The following ATG5 variants were observed in gnomAD, a reference collection of about 807,000 sequenced individuals.
The protein encoded by ATG5 is autophagy related 5.
ATG5 carries 14 observed loss-of-function variants against 36.5 expected under a neutral mutation model. That is an observed-to-expected ratio of 0.38 (90% CI 0.25 to 0.60). ATG5 has a LOEUF of 0.60. ATG5 is among the 20% of genes least tolerant of loss of function. The pLI is 0.60. For missense variants in ATG5, 195 were observed against 326.7 expected, an observed-to-expected ratio of 0.60 and a Z score of 3.11; for synonymous variants, 95 against 101.5, an observed-to-expected ratio of 0.94 and a Z score of 0.38.
At chr6:106,226,362 C>T (rs1187342955) in intron 6 of ATG5, among the ~76,000 whole-genome samples, 1 of 152,080 alleles carries the variant, frequency 6.6e-6, no homozygotes, top group Non-Finnish European at 1.5e-5. Flanking sequence ...TTCTGTTATA[C>T]TATATAAAAT....
chr6:106,323,373 G>A (rs997478230), intron 1 of ATG5, among the ~76,000 whole-genome samples: 2 of 145,028 alleles, frequency 1.4e-5, no homozygotes, highest in Admixed American at 7.1e-5. Context: ...GGGGTCAAGT[G>A]ATCCTCCCCT....
chr6:106,220,606 T>C (rs1039956478), intron 6 of ATG5, among the ~76,000 whole-genome samples: 1 of 152,116 alleles, frequency 6.6e-6, no homozygotes, highest in African/African-American at 2.4e-5. Flanking sequence ...TATTAGCAAA[T>C]AGTTATTTTA....
At chr6:106,190,596 T>C (rs1321089376) in intron 7 of ATG5, among the ~76,000 whole-genome samples, 1 of 152,144 alleles carries the variant, frequency 6.6e-6, no homozygotes, top group Admixed American at 6.5e-5. Flanking sequence ...GAAGAGTACA[T>C]CTCATTATTT....
At chr6:106,325,281 T>G (rs1355060846) in intron 1 of ATG5, 1 of 152,234 alleles carries the variant, frequency 6.6e-6, no homozygotes, top group Non-Finnish European at 1.5e-5. Context: ...CCTACCTTAG[T>G]AAGCAACAGA....
intron 1 of ATG5, among the ~76,000 whole-genome samples, chr6:106,322,147 G>C (rs1327511926): frequency 6.6e-6 from 1 of 152,132 alleles, no homozygotes; most frequent in African/African-American, 2.4e-5. Flanking sequence ...GTTTCTTGAG[G>C]GCAGGGGCTA....
chr6:106,280,587 T>C (rs1779840375), intron 4 of ATG5, among the ~76,000 whole-genome samples: 1 of 152,122 alleles, frequency 6.6e-6, no homozygotes. Flanking sequence ...TCATTGGACA[T>C]ATAGGGAGTT....
intron 6 of ATG5, among the ~76,000 whole-genome samples, chr6:106,236,921 T>C (rs1035300738): frequency 6.6e-6 from 1 of 152,206 alleles, no homozygotes; most frequent in Non-Finnish European, 1.5e-5. Flanking sequence ...TTAATGTGTA[T>C]GCATGCACAT....
At chr6:106,260,452 G>A (rs1778975693) in intron 5 of ATG5, among the ~76,000 whole-genome samples, 1 of 152,170 alleles carries the variant, frequency 6.6e-6, no homozygotes, top group Admixed American at 6.5e-5. Context: ...AGCATAGTCT[G>A]GATACTAAAG....
intron 5 of ATG5, among the ~76,000 whole-genome samples, chr6:106,264,276 A>G (rs941337436): frequency 6.6e-6 from 1 of 152,202 alleles, no homozygotes; most frequent in Admixed American, 6.5e-5. Flanking sequence ...GAAAAAAAGT[A>G]TGAACACAAG....
chr6:106,264,575 T>C (rs1779154756), intron 5 of ATG5, among the ~76,000 whole-genome samples: 1 of 152,112 alleles, frequency 6.6e-6, no homozygotes, highest in Admixed American at 6.5e-5. Flanking sequence ...GAAAAAATGT[T>C]AAGGGCAGCC....
At chr6:106,311,774 G>C (rs1443800655) in intron 2 of ATG5, among the ~76,000 whole-genome samples, 2 of 151,362 alleles carry the variant, frequency 1.3e-5, no homozygotes, top group Non-Finnish European at 1.5e-5. Context: ...CTAGAAAATG[G>C]AAAGAAGGGA....
chr6:106,307,264 C>A (rs1562267693), intron 3 of ATG5, among the ~76,000 whole-genome samples: 1 of 152,172 alleles, frequency 6.6e-6, no homozygotes, highest in Non-Finnish European at 1.5e-5. Flanking sequence ...GAGAGCAAGT[C>A]CATTTTTAAC....
At chr6:106,247,237 C>CTAAT (rs1778375295) in intron 6 of ATG5, among the ~76,000 whole-genome samples, 1 of 152,036 alleles carries the variant, frequency 6.6e-6, no homozygotes, top group Admixed American at 6.6e-5. Context: ...GAGTCTAAGC[C>CTAAT]TGTGACATTA....
chr6:106,267,886 C>T (rs1237829583), intron 5 of ATG5, among the ~76,000 whole-genome samples: 1 of 152,086 alleles, frequency 6.6e-6, no homozygotes, highest in Non-Finnish European at 1.5e-5. Flanking sequence ...CCATAAAAAC[C>T]CTACAAGAAA....
chr6:106,256,749 C>T (rs556119603), intron 5 of ATG5, among the ~76,000 whole-genome samples: 37 of 152,214 alleles, frequency 2.4e-4, no homozygotes, highest in South Asian at 2.3e-3. Context: ...AGTGCACGTA[C>T]CATCAATGGA....
In ATG5 at chr6:106,279,832, G is replaced by A; in HGVS notation, c.316-9C>T. The A allele has an allele frequency of 3.4e-6, 5 of 1,462,222 alleles. No individual in the cohort carries two copies. The highest frequency in any genetic ancestry group is 1.5e-5 in the South Asian group (1 of 64,566). The allele number at this position is 1,462,222 out of a possible 1,614,324, so 90.6% of individuals were successfully genotyped here. A position where few individuals can be genotyped will look rare whatever the true frequency, so the allele number is the denominator to read the frequency against. ...TCTTTTTCTGGAAAACTCTATCAAA[G>A]GAAAAAATATACATATAAAACAGGA... On this transcript the variant is annotated splice_polypyrimidine_tract_variant and intron_variant, in intron 4 of 7. Coordinates refer to ENST00000369076, the MANE Select transcript of ATG5 (RefSeq NM_004849.4).
intron 2 of ATG5, among the ~76,000 whole-genome samples, chr6:106,312,623 T>TACACACACAC (rs144983689): frequency 0.018 from 2,554 of 144,456 alleles, 41 homozygotes; most frequent in South Asian, 0.052. Context: ...CAAAAAAGAC[T>TACACACACAC]ACACACACAC....
chr6:106,304,944 T>A (rs1056939150), intron 3 of ATG5, among the ~76,000 whole-genome samples: 2 of 152,004 alleles, frequency 1.3e-5, no homozygotes, highest in South Asian at 2.1e-4. Flanking sequence ...ATACAAAAAT[T>A]AGCTGGCGTG....
intron 5 of ATG5, among the ~76,000 whole-genome samples, chr6:106,250,722 T>C (rs1778541087): frequency 6.6e-6 from 1 of 152,244 alleles, no homozygotes; most frequent in African/African-American, 2.4e-5. Context: ...CCTAGCATGG[T>C]GCATGCATAG....
Sources: gnomAD v4.1 joint callset for allele counts (sites outside exome capture counted in the v4.1 genomes callset) on GRCh38, gnomAD v4.1.1 for gene constraint, MANE v1.5 for transcripts, NCBI Gene and HGNC (gene_info 2026-07-23, HGNC 2026-07-21) for gene names.